SMAD9: variants seen among roughly 807,000 people sequenced by gnomAD.
SMAD9 encodes MAD homolog 9.
In SMAD9, 36 loss-of-function variants were observed where a neutral mutation model predicts 46.1. That is an observed-to-expected ratio of 0.78 (90% CI 0.60 to 1.03). SMAD9 has a LOEUF of 1.03. Ranked by LOEUF, SMAD9 falls within the 50% of genes least tolerant of loss-of-function variation. The pLI is 0.00. For synonymous variants in SMAD9, 245 were observed against 237.1 expected, an observed-to-expected ratio of 1.03 and a Z score of -0.31; for missense variants, 572 against 599.8, an observed-to-expected ratio of 0.95 and a Z score of 0.48.
intron 1 of SMAD9, among the ~76,000 whole-genome samples, chr13:36,881,915 T>G (rs903627650): frequency 2.6e-5 from 4 of 152,200 alleles, no homozygotes; most frequent in African/African-American, 9.7e-5. Context: ...ATTAGTAAGT[T>G]GTGGTATAGA....
rs148613298 is a variant in SMAD9 at position 36,870,210 on chromosome 13, G to A, written c.670+2448C>T. On this transcript the variant is annotated intron_variant, in intron 3 of 6. Coordinates refer to ENST00000379826, the MANE Select transcript of SMAD9 (RefSeq NM_001127217.3). The stretch of plus-strand genomic sequence containing the variant: ...AACATCAACCTGTCAGAGTAACCAG[G>A]GCAGGAATTCAAAGTCAGCACAGGA... 7.9e-5 allele frequency among the ~76,000 whole-genome samples: 12 copies of A among 152,242 alleles called. No individual in the cohort carries two copies. The East Asian group carries it at 2.1e-3, about 27-fold the overall frequency.
intron 5 of SMAD9, among the ~76,000 whole-genome samples, chr13:36,859,627 G>A (rs1335245543): frequency 6.6e-6 from 1 of 152,152 alleles, no homozygotes; most frequent in Non-Finnish European, 1.5e-5. Context: ...GGTCTAAAAA[G>A]GGGAGGCATG....
At chr13:36,892,254 G>C (rs541970766) in intron 1 of SMAD9, among the ~76,000 whole-genome samples, 4 of 152,250 alleles carry the variant, frequency 2.6e-5, no homozygotes, top group Admixed American at 1.3e-4. Context: ...TCATCGTGCA[G>C]AGCAAAAATT....
chr13:36,873,366 A>G (rs1406224892), intron 2 of SMAD9, among the ~76,000 whole-genome samples: 4 of 152,128 alleles, frequency 2.6e-5, no homozygotes, highest in South Asian at 2.1e-4. Context: ...CTTGCTTGCA[A>G]TGAAACCCTA....
At chr13:36,858,712 T>C (rs1399206339) in intron 5 of SMAD9, among the ~76,000 whole-genome samples, 1 of 152,042 alleles carries the variant, frequency 6.6e-6, no homozygotes, top group African/African-American at 2.4e-5. Context: ...ATTTAGAAAA[T>C]ACAGACAGAA....
At chr13:36,912,017 C>G (rs1169270278) in intron 1 of SMAD9, among the ~76,000 whole-genome samples, 1 of 152,114 alleles carries the variant, frequency 6.6e-6, no homozygotes, top group Non-Finnish European at 1.5e-5. Context: ...CGGGGAAGCT[C>G]AGATTTTTAT....
At chr13:36,894,038 T>C (rs1027541769) in intron 1 of SMAD9, among the ~76,000 whole-genome samples, 3 of 152,192 alleles carry the variant, frequency 2.0e-5, no homozygotes, top group African/African-American at 7.2e-5. Flanking sequence ...TTATCAGATA[T>C]AAGTTCAACA....
chr13:36,873,057 T>A (rs2058311863), intron 2 of SMAD9, 142 bp from the exon 3 acceptor site: 1 of 932,696 alleles, frequency 1.1e-6, no homozygotes, highest in East Asian at 2.6e-5. Context: ...TTAGTCTTTG[T>A]GCTCATCATA....
chr13:36,901,143 A>G (rs1250359933), intron 1 of SMAD9, among the ~76,000 whole-genome samples: 1 of 152,208 alleles, frequency 6.6e-6, no homozygotes, highest in Non-Finnish European at 1.5e-5. Context: ...CATTTGTGCA[A>G]AAGTATCTGT....
chr13:36,869,601 G>A (rs2058269387), intron 3 of SMAD9, among the ~76,000 whole-genome samples: 1 of 152,116 alleles, frequency 6.6e-6, no homozygotes, highest in Non-Finnish European at 1.5e-5. Flanking sequence ...CGGAGGCCGA[G>A]GCGGGTGGAT....
chr13:36,891,777 G>C (rs527254117), intron 1 of SMAD9, among the ~76,000 whole-genome samples: 1 of 152,312 alleles, frequency 6.6e-6, no homozygotes, highest in African/African-American at 2.4e-5. Flanking sequence ...GTGTAACTGA[G>C]GAAATGACAA....
chr13:36,856,647 A>C (rs1294103053), intron 5 of SMAD9, among the ~76,000 whole-genome samples: 1 of 152,194 alleles, frequency 6.6e-6, no homozygotes, highest in Non-Finnish European at 1.5e-5. Flanking sequence ...GGTAGGCCAG[A>C]ATAGTAGCTT....
In SMAD9 at chr13:36,865,749, G is replaced by A; in HGVS notation, c.791C>T (p.Pro264Leu). ...VLSIPNGDFR[P>L]VCYEEPQHWC... ...GTGCTGGGGCTCCTCGTAACAAACTGGTCGAAAGTCTGGAAGAAAACAAAC... is the reference window on the plus strand; with the variant it reads ...GTGCTGGGGCTCCTCGTAACAAACTAGTCGAAAGTCTGGAAGAAAACAAAC... Residue 264 changes from proline (P) to leucine (L), a missense_variant, in exon 5 of 7, where the codon CCA (proline) becomes CTA (leucine). Coordinates refer to ENST00000379826, the MANE Select transcript of SMAD9 (RefSeq NM_001127217.3). 6.2e-7 allele frequency: 1 copy of A among 1,613,810 alleles called. No individual in the cohort carries two copies. The highest frequency in any genetic ancestry group is 8.5e-7 in the Non-Finnish European group (1 of 1,179,848).
At chr13:36,882,933 C>T (rs1465693145) in intron 1 of SMAD9, among the ~76,000 whole-genome samples, 2 of 152,154 alleles carry the variant, frequency 1.3e-5, no homozygotes, top group Non-Finnish European at 2.9e-5. Flanking sequence ...CACTACACTA[C>T]GGCCTGGATG....
At chr13:36,895,260 A>G (rs940934980) in intron 1 of SMAD9, among the ~76,000 whole-genome samples, 1 of 152,166 alleles carries the variant, frequency 6.6e-6, no homozygotes, top group South Asian at 2.1e-4. Flanking sequence ...CTAACCTCTT[A>G]GACATGACTA....
At chr13:36,910,732 C>T (rs950360843) in intron 1 of SMAD9, among the ~76,000 whole-genome samples, 9 of 152,140 alleles carry the variant, frequency 5.9e-5, no homozygotes, top group African/African-American at 9.7e-5. Context: ...TCCCTGGAGG[C>T]CCCCAGGCAA....
chr13:36,867,818 G>A (rs139219803), intron 3 of SMAD9, among the ~76,000 whole-genome samples: 28 of 152,230 alleles, frequency 1.8e-4, no homozygotes, highest in Admixed American at 3.9e-4. Context: ...CTCTATCCCT[G>A]AGATACTTCA....
At chr13:36,864,444 C>T (rs1189451359) in intron 5 of SMAD9, among the ~76,000 whole-genome samples, 1 of 152,174 alleles carries the variant, frequency 6.6e-6, no homozygotes, top group African/African-American at 2.4e-5. Context: ...CCAGGCCCGA[C>T]CCTGCTTAGT....
intron 1 of SMAD9, among the ~76,000 whole-genome samples, chr13:36,892,089 T>C (rs868443091): frequency 6.6e-6 from 1 of 152,166 alleles, no homozygotes; most frequent in Non-Finnish European, 1.5e-5. Context: ...GATGGTAGTA[T>C]TGTTGAAATG....
Sources: allele counts gnomAD v4.1 joint callset (sites outside exome capture counted in the v4.1 genomes callset), GRCh38; gene constraint gnomAD v4.1.1; transcripts MANE v1.5; gene names NCBI Gene and HGNC (gene_info 2026-07-23, HGNC 2026-07-21).